Variants in ANK2 observed in about 807,000 individuals in gnomAD.
ANK2 encodes ankyrin 2.
Under a neutral mutation model 360.5 loss-of-function variants are expected in ANK2, and 83 were observed. That is an observed-to-expected ratio of 0.23 (90% CI 0.19 to 0.28). The LOEUF is 0.28. Ranked by LOEUF, ANK2 falls within the 10% of genes least tolerant of loss-of-function variation. The pLI, the probability that ANK2 is intolerant of heterozygous loss-of-function variation, is 1.00. For missense variants in ANK2, 4,201 were observed against 4,795.7 expected, an observed-to-expected ratio of 0.88 and a Z score of 3.66; for synonymous variants, 1,740 against 1,759.5, an observed-to-expected ratio of 0.99 and a Z score of 0.28.
At chr4:112,829,491 C>CAAGAAAAAAAAAAAAAAAAAAAAAAA in intron 1 of ANK2, among the ~76,000 whole-genome samples, 1 of 60,728 alleles carries the variant, frequency 1.6e-5, no homozygotes, top group Non-Finnish European at 3.1e-5. Context: ...CCCATCTCTA[C>CAAGAAAAAAAAAAAAAAAAAAAAAAA]AAAAAAAAAA....
intron 4 of ANK2, among the ~76,000 whole-genome samples, chr4:113,207,793 A>G (rs1465029494): frequency 6.6e-6 from 1 of 152,040 alleles, no homozygotes; most frequent in East Asian, 1.9e-4. Flanking sequence ...CTCAGCAGGT[A>G]TTTGGGCATC....
intron 2 of ANK2, among the ~76,000 whole-genome samples, chr4:112,932,361 G>A (rs368831474): frequency 1.2e-3 from 183 of 152,044 alleles, no homozygotes; most frequent in African/African-American, 3.6e-3. Flanking sequence ...GTGTGGTGGC[G>A]CGTGCCTGTA....
chr4:113,357,344 C>G lies in ANK2; in HGVS notation c.8726C>G (p.Pro2909Arg). Residue 2909 changes from proline (P) to arginine (R), a missense_variant, in exon 38 of 46, where the codon CCC becomes CGC. By Grantham distance (103) the Pro-to-Arg change is moderately radical. Around this residue, in one of 4 missense-constraint regions of ANK2, gnomAD observed 2,642 missense variants for 2,714.5 expected, o/e 0.97. Coordinates refer to ENST00000357077, the MANE Select transcript of ANK2 (RefSeq NM_001148.6). Reference sequence around the variant, plus strand: ...ACAGATAGATTTTCCATGGATGTTCCCGTGTCTGACCTAGCTGAGAATGAT... The same window carrying G: ...ACAGATAGATTTTCCATGGATGTTCGCGTGTCTGACCTAGCTGAGAATGAT... The part of the protein sequence containing the change: ...TQTDRFSMDV[P>R]VSDLAENDEI... 6.2e-7 allele frequency: 1 copy of G among 1,614,052 alleles called. No homozygotes were observed. Among genetic ancestry groups the G allele is most frequent in the Non-Finnish European group, 8.5e-7 (1 of 1,179,968 alleles).
intron 20 of ANK2, among the ~76,000 whole-genome samples, chr4:113,291,451 C>T (rs2067522266): frequency 9.0e-6 from 1 of 111,648 alleles, no homozygotes; most frequent in African/African-American, 2.8e-5. Context: ...TGAGGATGTG[C>T]CACACTTAGA....
chr4:112,760,232 G>A, the ANK2 span, among the ~76,000 whole-genome samples: 1 of 149,758 alleles, frequency 6.7e-6, no homozygotes, highest in African/African-American at 2.5e-5. Flanking sequence ...TGTTGTCCGG[G>A]CTGGAGTTCA....
At chr4:113,153,736 G>A (rs995799018) in intron 1 of ANK2, among the ~76,000 whole-genome samples, 1 of 152,136 alleles carries the variant, frequency 6.6e-6, no homozygotes, top group Non-Finnish European at 1.5e-5. Flanking sequence ...GCCTCCCAAA[G>A]TGTACTCTGT....
At chr4:112,980,149 G>C (rs961442491) in intron 2 of ANK2, 1 of 152,372 alleles carries the variant, frequency 6.6e-6, no homozygotes, top group Non-Finnish European at 1.5e-5. Context: ...GTCCAAAGGG[G>C]GCTGAGGCAG....
chr4:112,787,788 T>C, the ANK2 span, among the ~76,000 whole-genome samples: 4 of 152,168 alleles, frequency 2.6e-5, no homozygotes, highest in African/African-American at 9.6e-5. Context: ...ATCCAGACCA[T>C]GTCTGGAGCA....
chr4:113,145,835 C>T (rs775657916), intron 1 of ANK2: 18 of 1,288,168 alleles, frequency 1.4e-5, no homozygotes, highest in South Asian at 8.7e-5. Context: ...AGGGCAAGGA[C>T]GGGCCCACTG....
chr4:112,798,593 T>C, the ANK2 span: 4 of 152,304 alleles, frequency 2.6e-5, no homozygotes, highest in East Asian at 1.9e-4. Context: ...GCCACAGTTA[T>C]GGATTTTCTA....
chr4:113,010,113 T>G (rs753774197), intron 2 of ANK2, among the ~76,000 whole-genome samples: 6 of 152,176 alleles, frequency 3.9e-5, no homozygotes, highest in Non-Finnish European at 8.8e-5. Flanking sequence ...TTGCCTGGTT[T>G]CTCTTTTTGA....
chr4:113,237,554 A>G (rs2099393154), intron 6 of ANK2, 45 bp from the exon 7 acceptor site: 1 of 1,571,222 alleles, frequency 6.4e-7, no homozygotes, highest in Non-Finnish European at 8.8e-7. Context: ...ATAATTTTGC[A>G]TTGTGTAATA....
chr4:113,337,126 C>T (rs1036097861), intron 31 of ANK2, among the ~76,000 whole-genome samples: 4 of 152,076 alleles, frequency 2.6e-5, no homozygotes, highest in African/African-American at 9.7e-5. Flanking sequence ...GATTCAAAAC[C>T]ACACCCATAT....
At chr4:113,211,104 TGAA>T (rs1411670751) in intron 4 of ANK2, among the ~76,000 whole-genome samples, 1 of 152,136 alleles carries the variant, frequency 6.6e-6, no homozygotes, top group Non-Finnish European at 1.5e-5. Flanking sequence ...AGAAGAGAGA[TGAA>T]GAATAAACCA....
In ANK2 at chr4:113,234,013, A is replaced by G. The variant is rs184162590; in HGVS notation, c.483+1754A>G. 2.3e-3 allele frequency among the ~76,000 whole-genome samples: 352 copies of G among 152,316 alleles called. 1 individual carries two copies. Among genetic ancestry groups the G allele is most frequent in the African/African-American group, 7.7e-3 (320 of 41,554 alleles). On this transcript the variant is annotated intron_variant, in intron 5 of 45. Coordinates refer to ENST00000357077, the MANE Select transcript of ANK2 (RefSeq NM_001148.6). ...CTCTGAGAAATATATCAAAATAAGG[A>G]CATCTATATTTGTTTTATTTGATTT...
chr4:113,180,017 G>A (rs2098358952), intron 2 of ANK2, among the ~76,000 whole-genome samples: 1 of 152,240 alleles, frequency 6.6e-6, no homozygotes, highest in African/African-American at 2.4e-5. Context: ...GTTTAAAGGT[G>A]CAAAATTATC....
At chr4:113,233,771 A>G (rs1431040854) in intron 5 of ANK2, among the ~76,000 whole-genome samples, 1 of 152,146 alleles carries the variant, frequency 6.6e-6, no homozygotes, top group East Asian at 1.9e-4. Context: ...CATGTTTCCT[A>G]CCTATGACTG....
chr4:112,986,616 A>T (rs970172294), intron 2 of ANK2, among the ~76,000 whole-genome samples: 1 of 152,206 alleles, frequency 6.6e-6, no homozygotes, highest in Non-Finnish European at 1.5e-5. Flanking sequence ...TGCCTTTTAC[A>T]CTGTATAACT....
rs145475101 is a variant in ANK2, at chr4:112,862,819, G to A, written c.-39-41636G>A. On this transcript the variant is annotated intron_variant, in intron 1 of 30. Transcript: ENST00000503271. Reference sequence around the variant, plus strand: ...CACCTGTATTCTCGGCTACTTGAGAGGATGAGGCGAGATGGAGTGCAGGAG... The same window carrying A: ...CACCTGTATTCTCGGCTACTTGAGAAGATGAGGCGAGATGGAGTGCAGGAG... Among the ~76,000 whole-genome samples, 251 of 152,134 alleles carry A rather than the reference G, an allele frequency of 1.6e-3. 1 individual carries two copies. Among genetic ancestry groups the A allele is most frequent in the Admixed American group, 5.1e-3 (78 of 15,272 alleles).
Sources: allele counts gnomAD v4.1 joint callset (sites outside exome capture counted in the v4.1 genomes callset), GRCh38; gene constraint gnomAD v4.1.1; regional missense constraint gnomAD v4.1.1; transcripts MANE v1.5; gene names NCBI Gene and HGNC (gene_info 2026-07-23, HGNC 2026-07-21).